DCC: variants seen among roughly 807,000 people sequenced by gnomAD.
DCC encodes the protein netrin receptor DCC.
In DCC, 58 loss-of-function variants were observed where a neutral mutation model predicts 172.5. The observed-to-expected ratio is 0.34, with a 90% CI of 0.27 to 0.42. The LOEUF (loss-of-function observed/expected upper bound fraction) is 0.42, where lower values mean the gene tolerates loss of function less well. Ranked by LOEUF, DCC falls within the 10% of genes least tolerant of loss-of-function variation. DCC has a pLI of 1.00. For synonymous variants in DCC, 709 were observed against 644.5 expected, an observed-to-expected ratio of 1.10 and a Z score of -1.52; for missense variants, 1,740 against 1,791.0, an observed-to-expected ratio of 0.97 and a Z score of 0.51.
intron 3 of DCC, among the ~76,000 whole-genome samples, chr18:52,920,415 T>C (rs1486896080): frequency 3.9e-5 from 6 of 152,000 alleles, no homozygotes; most frequent in African/African-American, 1.2e-4. Context: ...CCAAGGAATA[T>C]ATAAAAATGG....
chr18:53,326,871 C>T (rs1281886219), intron 14 of DCC, among the ~76,000 whole-genome samples: 6 of 152,144 alleles, frequency 3.9e-5, no homozygotes, highest in African/African-American at 1.4e-4. Context: ...TTTGCTGTAG[C>T]TGAAGATATC....
chr18:52,814,617 A>G (rs11082949), intron 2 of DCC, among the ~76,000 whole-genome samples: 17,371 of 152,250 alleles, frequency 0.11, 1,081 homozygotes, highest in South Asian at 0.2. Context: ...TTTAGTATTT[A>G]CTCAAATGTA....
rs1825629169 is a variant in DCC at position 53,282,383 on chromosome 18, T to C, written c.1912-23195T>C. ...TCATCTCCTTTTTTATCCCTTAACATCTTCCTTCCCCAAGATTAGCTAACT... is the reference window on the plus strand; with the variant it reads ...TCATCTCCTTTTTTATCCCTTAACACCTTCCTTCCCCAAGATTAGCTAACT... On this transcript the variant is annotated intron_variant, in intron 12 of 28. Coordinates refer to ENST00000442544, the MANE Select transcript of DCC (RefSeq NM_005215.4). Among the ~76,000 whole-genome samples the C allele has an allele frequency of 2.0e-5, 3 of 152,138 alleles. No individual in the cohort carries two copies. In the South Asian group the frequency reaches 6.2e-4, roughly 32 times the overall value.
At chr18:53,218,841 T>C (rs1489147823) in intron 12 of DCC, among the ~76,000 whole-genome samples, 3 of 152,168 alleles carry the variant, frequency 2.0e-5, no homozygotes, top group South Asian at 4.1e-4. Context: ...ATTCAGTTAT[T>C]ATATATTTCA....
intron 1 of DCC, among the ~76,000 whole-genome samples, chr18:52,377,536 T>A (rs944904107): frequency 1.3e-5 from 2 of 152,178 alleles, no homozygotes; most frequent in African/African-American, 2.4e-5. Context: ...TAGATATTGT[T>A]GTCTTTTGTC....
At chr18:52,386,682 T>C (rs181529684) in intron 1 of DCC, among the ~76,000 whole-genome samples, 45 of 152,178 alleles carry the variant, frequency 3.0e-4, no homozygotes, top group Non-Finnish European at 4.9e-4. Context: ...AGCCAAGTAA[T>C]ACACAGCAGG....
intron 26 of DCC, among the ~76,000 whole-genome samples, chr18:53,492,027 C>T (rs1318229445): frequency 6.6e-6 from 1 of 152,192 alleles, no homozygotes; most frequent in Non-Finnish European, 1.5e-5. Context: ...GATGGTATCT[C>T]ATTGCGGTTT....
intron 15 of DCC, among the ~76,000 whole-genome samples, chr18:53,347,557 A>G (rs2057739528): frequency 6.6e-6 from 1 of 152,196 alleles, no homozygotes; most frequent in Non-Finnish European, 1.5e-5. Context: ...TACATTTGGC[A>G]CTATCGCACT....
intron 24 of DCC, among the ~76,000 whole-genome samples, chr18:53,463,820 A>G (rs2045587539): frequency 6.6e-6 from 1 of 152,194 alleles, no homozygotes; most frequent in Admixed American, 6.5e-5. Context: ...TGCGCCCATG[A>G]AATTAGCTTT....
At chr18:52,772,284 C>G (rs866078786) in intron 2 of DCC, among the ~76,000 whole-genome samples, 11 of 152,088 alleles carry the variant, frequency 7.2e-5, no homozygotes, top group Non-Finnish European at 1.3e-4. Flanking sequence ...TAAAAACAGA[C>G]AGTAAACCAT....
intron 12 of DCC, among the ~76,000 whole-genome samples, chr18:53,300,994 T>TTCTTTCTTTCTTTCTTTTCTTTTC (rs1555649245): frequency 4.5e-5 from 6 of 134,608 alleles, no homozygotes; most frequent in African/African-American, 1.4e-4. Flanking sequence ...TCTTTCTTTT[T>TTCTTTCTTTCTTTCTTTTCTTTTC]TTTTCTTTTC....
intron 15 of DCC, among the ~76,000 whole-genome samples, chr18:53,381,277 T>C (rs946855457): frequency 1.2e-4 from 18 of 152,020 alleles, no homozygotes; most frequent in African/African-American, 4.1e-4. Flanking sequence ...AAGGTAATAA[T>C]CCAGTAATGT....
At chr18:53,237,838 A>C (rs1159089476) in intron 12 of DCC, among the ~76,000 whole-genome samples, 1 of 152,186 alleles carries the variant, frequency 6.6e-6, no homozygotes, top group Non-Finnish European at 1.5e-5. Context: ...ATTAAGCATT[A>C]CTAGTTGTGA....
Position 53,086,004 on chromosome 18 carries a change from C to CTTATTATTATTATTATTATTATTATTA in DCC, c.1261+19839_1261+19840insTATTATTATTATTATTATTATTATTAT, listed in dbSNP as rs1189833400. ...TCTTCTTCTTCTCCTTCTCCTTCTT[C>CTTATTATTATTATTATTATTATTATTA]TCCTTCTCCTTCTCCCTCTCCCTCT... On this transcript the variant is annotated intron_variant, in intron 7 of 28. Coordinates refer to ENST00000442544, the MANE Select transcript of DCC (RefSeq NM_005215.4). 3.6e-4 allele frequency among the ~76,000 whole-genome samples: 9 copies of CTTATTATTATTATTATTATTATTATTA among 25,120 alleles called. 1 individual carries two copies. Among genetic ancestry groups the CTTATTATTATTATTATTATTATTATTA allele is most frequent in the East Asian group, 2.3e-3 (3 of 1,280 alleles). 16.5% of individuals were successfully genotyped at this position (25,120 alleles called of 152,430 possible). A position where few individuals can be genotyped will look rare whatever the true frequency, so the allele number is the denominator to read the frequency against.
intron 26 of DCC, among the ~76,000 whole-genome samples, chr18:53,497,659 C>T (rs770348587): frequency 6.6e-6 from 1 of 152,228 alleles, no homozygotes; most frequent in Non-Finnish European, 1.5e-5. Context: ...TACAAGCACA[C>T]AAGTGTTTCT....
intron 25 of DCC, among the ~76,000 whole-genome samples, chr18:53,476,698 G>T (rs775557156): frequency 2.0e-5 from 3 of 152,154 alleles, no homozygotes; most frequent in Non-Finnish European, 4.4e-5. Flanking sequence ...AATTCAGGAG[G>T]ACAATTACTT....
intron 14 of DCC, among the ~76,000 whole-genome samples, chr18:53,329,070 A>G (rs2057501500): frequency 6.6e-6 from 1 of 152,216 alleles, no homozygotes; most frequent in Admixed American, 6.5e-5. Flanking sequence ...GGGGCATCAT[A>G]TAATTATAGC....
chr18:53,236,628 T>C (rs541637723), intron 12 of DCC, among the ~76,000 whole-genome samples: 3 of 152,214 alleles, frequency 2.0e-5, no homozygotes, highest in South Asian at 2.1e-4. Context: ...GTCAGAGTTA[T>C]TGATTTTGAC....
At chr18:52,995,224 A>G (rs539015162) in intron 5 of DCC, among the ~76,000 whole-genome samples, 198 of 152,252 alleles carry the variant, frequency 1.3e-3, no homozygotes, top group Non-Finnish European at 2.1e-3. Flanking sequence ...ACCTAGAACT[A>G]CATAAGTGAC....
Sources: gnomAD v4.1 joint callset for allele counts (sites outside exome capture counted in the v4.1 genomes callset) on GRCh38, gnomAD v4.1.1 for gene constraint, MANE v1.5 for transcripts, NCBI Gene and HGNC (gene_info 2026-07-23, HGNC 2026-07-21) for gene names.